MAN1B1: variants seen among roughly 807,000 people sequenced by gnomAD.
MAN1B1 encodes the protein endoplasmic reticulum mannosyl-oligosaccharide 1,2-alpha-mannosidase.
A neutral mutation model predicts 75.5 loss-of-function variants in MAN1B1; 66 were observed. That is an observed-to-expected ratio of 0.87 (90% CI 0.72 to 1.07). MAN1B1 has a LOEUF of 1.07. Ranked by LOEUF, MAN1B1 falls within the 50% of genes least tolerant of loss-of-function variation. MAN1B1 has a pLI of 0.00. For synonymous variants in MAN1B1, 453 were observed against 382.8 expected, an observed-to-expected ratio of 1.18 and a Z score of -2.14; for missense variants, 973 against 912.5, an observed-to-expected ratio of 1.07 and a Z score of -0.85.
intron 4 of MAN1B1, among the ~76,000 whole-genome samples, chr9:137,097,302 C>G (rs1156900471): frequency 6.6e-6 from 1 of 152,224 alleles, no homozygotes; most frequent in Non-Finnish European, 1.5e-5. Context: ...CACCACAGGG[C>G]CCCAAGAGAA....
At chr9:137,105,471 G>A (rs1318235522) in intron 8 of MAN1B1, 1 of 194,416 alleles carries the variant, frequency 5.1e-6, no homozygotes, top group African/African-American at 2.4e-5. Flanking sequence ...TCTGGTTGCT[G>A]CCGGTACACA....
intron 3 of MAN1B1, among the ~76,000 whole-genome samples, chr9:137,091,934 A>G (rs1588585532): frequency 6.6e-6 from 1 of 152,260 alleles, no homozygotes; most frequent in Non-Finnish European, 1.5e-5. Flanking sequence ...CTGGGATCAC[A>G]GGCATAAGAC....
chr9:137,105,883 G>C (rs1434588691), intron 8 of MAN1B1: 3 of 666,536 alleles, frequency 4.5e-6, no homozygotes, highest in Non-Finnish European at 8.3e-6. Flanking sequence ...GGTCAGCTCT[G>C]TGGTGACCAC....
rs746212127 is a variant in MAN1B1 at position 137,108,507 on chromosome 9, C to T, written c.2016C>T (p.Phe672=). 2 of 1,614,030 alleles carry T rather than the reference C, an allele frequency of 1.2e-6. No individual in the cohort carries two copies. Among genetic ancestry groups the T allele is most frequent in the East Asian group, 2.2e-5 (1 of 44,886 alleles). Residue 672 remains phenylalanine, a synonymous_variant, in exon 13 of 13, where the codon TTC becomes TTT. Coordinates refer to ENST00000371589, the MANE Select transcript of MAN1B1 (RefSeq NM_016219.5). ...GETLKYLFLL[F]SDDPNLLSLD... is the part of the protein sequence containing the mutation. ...CGCTCAAGTATCTGTTCTTGCTCTT[C>T]TCCGATGACCCAAACCTGCTCAGCC... is the stretch of plus-strand genomic sequence containing the variant.
rs148358284 is a variant in MAN1B1, at chr9:137,095,044, C to T, written c.466-1193C>T. Among the ~76,000 whole-genome samples, 1,158 of 151,274 alleles carry T rather than the reference C, an allele frequency of 7.7e-3. 8 individuals are homozygous for T. The highest frequency in any genetic ancestry group is 0.019 in the African/African-American group (769 of 41,172). On this transcript the variant is annotated intron_variant, in intron 3 of 12. Coordinates refer to ENST00000371589, the MANE Select transcript of MAN1B1 (RefSeq NM_016219.5). ...TTCTACTAAAGATACAAAAATTAGC[C>T]AGGTGTGGTGACACGCGCCTGTAAT...
intron 8 of MAN1B1, chr9:137,104,668 TG>T (rs1413937869): frequency 5.9e-6 from 1 of 168,894 alleles, no homozygotes; most frequent in Non-Finnish European, 1.3e-5. Context: ...CTCTCTCCTC[TG>T]GTGGACACCA....
chr9:137,099,351 C>T (rs1046559002), intron 5 of MAN1B1, among the ~76,000 whole-genome samples: 5 of 152,276 alleles, frequency 3.3e-5, no homozygotes, highest in African/African-American at 1.2e-4. Flanking sequence ...CTTGGGGCAG[C>T]CACCCTTGTC....
chr9:137,094,018 A>ATT (rs1419422325), intron 3 of MAN1B1, among the ~76,000 whole-genome samples: 23 of 140,958 alleles, frequency 1.6e-4, no homozygotes, highest in African/African-American at 4.4e-4. Context: ...ACCCATGGTG[A>ATT]TTTTTTTTTT....
intron 1 of MAN1B1, among the ~76,000 whole-genome samples, chr9:137,087,811 A>G (rs1476161894): frequency 2.0e-5 from 3 of 152,190 alleles, no homozygotes; most frequent in Non-Finnish European, 4.4e-5. Context: ...TGTCCCAGCA[A>G]TGTTCCTACT....
At position 137,108,702 on chromosome 9, in the gene MAN1B1, C is replaced by T. The variant is rs999494607; in HGVS notation, c.*111C>T. The T allele has an allele frequency of 5.0e-6, 5 of 991,602 alleles. No individual in the cohort carries two copies. The African/African-American group carries it at 8.0e-5, about 16-fold the overall frequency. The allele number at this position is 991,602 out of a possible 1,614,324, so 61.4% of individuals were successfully genotyped here. The stretch of plus-strand genomic sequence containing the variant: ...CGGCAACCGCCAAGTGGCCCAGGCT[C>T]TGAACTGGCTCTGGGCTCCTCCTCG... On this transcript the variant is annotated 3_prime_UTR_variant, in exon 13 of 13. Coordinates refer to ENST00000371589, the MANE Select transcript of MAN1B1 (RefSeq NM_016219.5).
intron 12 of MAN1B1, 45 bp from the exon 13 acceptor site, chr9:137,108,343 G>T (rs746734156): frequency 1.3e-6 from 2 of 1,519,364 alleles, no homozygotes; most frequent in South Asian, 2.2e-5. Flanking sequence ...TGAGGGGGGT[G>T]CAGGGTGCCC....
intron 8 of MAN1B1, chr9:137,103,862 C>T (rs1005899819): frequency 1.3e-5 from 6 of 453,398 alleles, no homozygotes; most frequent in Admixed American, 2.4e-5. Context: ...CACTTGCAGG[C>T]GTGCAGGTCA....
chr9:137,097,727 G>A, intron 4 of MAN1B1, 101 bp from the exon 5 acceptor site: 1 of 907,046 alleles, frequency 1.1e-6, no homozygotes, highest in South Asian at 1.4e-5. Context: ...GCCGCTTTGG[G>A]TGCAGGGCTG....
intron 2 of MAN1B1, 137 bp from the exon 3 acceptor site, chr9:137,088,732 G>T (rs1421965037): frequency 1.0e-6 from 1 of 978,950 alleles, no homozygotes; most frequent in African/African-American, 1.6e-5. Flanking sequence ...GGACATTGTT[G>T]AATTCATTTC....
chr9:137,105,307 A>C (rs1335693099), intron 8 of MAN1B1: 1 of 155,822 alleles, frequency 6.4e-6, no homozygotes, highest in Non-Finnish European at 1.4e-5. Flanking sequence ...AGCAACTGTG[A>C]CCACTTGTGG....
At chr9:137,090,903 G>A (rs778280889) in intron 3 of MAN1B1, among the ~76,000 whole-genome samples, 1 of 152,178 alleles carries the variant, frequency 6.6e-6, no homozygotes, top group Admixed American at 6.5e-5. Context: ...AGAGGGGATG[G>A]ACAGTACCAA....
chr9:137,087,709 T>C (rs1830412039), intron 1 of MAN1B1: 8 of 409,158 alleles, frequency 2.0e-5, no homozygotes, highest in Non-Finnish European at 3.7e-5. Flanking sequence ...CAGGAGTCTT[T>C]CTCCACTGTT....
At chr9:137,090,701 A>T (rs1830492357) in intron 3 of MAN1B1, among the ~76,000 whole-genome samples, 1 of 151,928 alleles carries the variant, frequency 6.6e-6, no homozygotes, top group South Asian at 2.1e-4. Context: ...CACCACGCAC[A>T]GCTAACGTTT....
At chr9:137,099,403 G>T (rs140641331) in intron 5 of MAN1B1, among the ~76,000 whole-genome samples, 2 of 152,264 alleles carry the variant, frequency 1.3e-5, no homozygotes, top group African/African-American at 4.8e-5. Flanking sequence ...GGGTGTGCCT[G>T]CCCAGGCGCC....
Sources: gnomAD v4.1 joint callset for allele counts (sites outside exome capture counted in the v4.1 genomes callset) on GRCh38, gnomAD v4.1.1 for gene constraint, MANE v1.5 for transcripts, NCBI Gene and HGNC (gene_info 2026-07-23, HGNC 2026-07-21) for gene names.